Variants in PRKCB observed in about 807,000 individuals in gnomAD.
The protein encoded by PRKCB is protein kinase C beta.
Under a neutral mutation model 81.5 loss-of-function variants are expected in PRKCB, and 13 were observed. The ratio of observed to expected loss-of-function variants is 0.16; its 90% confidence interval spans 0.10 to 0.25. PRKCB has a LOEUF of 0.25. Ranked by LOEUF, PRKCB falls within the 10% of genes least tolerant of loss-of-function variation. The pLI is 1.00. For synonymous variants in PRKCB, 335 were observed against 321.4 expected, an observed-to-expected ratio of 1.04 and a Z score of -0.45; for missense variants, 509 against 875.7, an observed-to-expected ratio of 0.58 and a Z score of 5.29.
intron 2 of PRKCB, among the ~76,000 whole-genome samples, chr16:23,984,225 A>T (rs879540964): frequency 6.6e-6 from 1 of 152,252 alleles, no homozygotes; most frequent in Admixed American, 6.5e-5. Context: ...TAGAATAGTC[A>T]TGATATGGTT....
At position 24,151,789 on chromosome 16, in the gene PRKCB, C is replaced by G. The variant is rs1490621966; in HGVS notation, c.1066-2895C>G. 8.8e-6 allele frequency: 4 copies of G among 455,838 alleles called. No homozygotes were observed. The East Asian group carries it at 2.8e-4, about 32-fold the overall frequency. 28.2% of individuals were successfully genotyped at this position (455,838 alleles called of 1,614,324 possible). On this transcript the variant is annotated intron_variant, in intron 9 of 16. Transcript: ENST00000643927. ...AGTGGCACAGTCAGAGCTGCATTTT[C>G]AGAACAGTCATTAGCTGAAGCAAGT...
chr16:24,066,074 CCT>C (rs1491433549), intron 5 of PRKCB, among the ~76,000 whole-genome samples: 42 of 73,362 alleles, frequency 5.7e-4, no homozygotes, highest in Non-Finnish European at 1.2e-3. Flanking sequence ...CTGTGATGTT[CCT>C]GTGTGTGTGT....
chr16:23,949,535 C>T (rs989091680), intron 2 of PRKCB, among the ~76,000 whole-genome samples: 1 of 152,196 alleles, frequency 6.6e-6, no homozygotes, highest in Admixed American at 6.5e-5. Flanking sequence ...TACCTTCTAT[C>T]GTTTTATTCT....
intron 1 of PRKCB, among the ~76,000 whole-genome samples, chr16:23,836,564 G>GT (rs1962162195): frequency 1.3e-5 from 2 of 152,218 alleles, no homozygotes; most frequent in Admixed American, 6.5e-5. Context: ...CCGCCGCGGG[G>GT]CGCCTCCTGC....
At chr16:24,119,135 T>G (rs1484650983) in intron 8 of PRKCB, among the ~76,000 whole-genome samples, 3 of 152,072 alleles carry the variant, frequency 2.0e-5, no homozygotes, top group African/African-American at 7.2e-5. Flanking sequence ...CTTCTTTTTT[T>G]TTTTTTCCAG....
chr16:23,960,943 G>A (rs185220369), intron 2 of PRKCB, among the ~76,000 whole-genome samples: 1 of 152,342 alleles, frequency 6.6e-6, no homozygotes, highest in African/African-American at 2.4e-5. Context: ...ACTACTAATG[G>A]ATGTCCCTTC....
rs141400393 is a variant in PRKCB, at chr16:23,891,436, A to G, written c.205+54030A>G. On this transcript the variant is annotated intron_variant, in intron 2 of 16. Transcript: ENST00000643927. ...TGTGTGTGTATGTATGTGTGTGTAT[A>G]CAGATGTATGCATCTGTGTTCAATT... 5.1e-4 allele frequency among the ~76,000 whole-genome samples: 77 copies of G among 152,270 alleles called. No homozygotes were observed. In the East Asian group the frequency reaches 0.011, roughly 21 times the overall value.
At chr16:24,011,671 C>T (rs995299315) in intron 3 of PRKCB, among the ~76,000 whole-genome samples, 1 of 152,094 alleles carries the variant, frequency 6.6e-6, no homozygotes, top group South Asian at 2.1e-4. Flanking sequence ...CATACACCAC[C>T]ACACCTGGCT....
At chr16:23,986,700 A>G (rs1964808493) in intron 2 of PRKCB, among the ~76,000 whole-genome samples, 1 of 152,154 alleles carries the variant, frequency 6.6e-6, no homozygotes. Context: ...CCCATTTCTT[A>G]TGACTTGGGT....
intron 3 of PRKCB, among the ~76,000 whole-genome samples, chr16:24,008,604 G>T (rs1596509017): frequency 6.6e-6 from 1 of 152,012 alleles, no homozygotes; most frequent in South Asian, 2.1e-4. Flanking sequence ...ATCTCTACAC[G>T]TCCCTCCCCA....
intron 2 of PRKCB, among the ~76,000 whole-genome samples, chr16:23,929,887 A>G (rs186948791): frequency 2.6e-5 from 4 of 152,118 alleles, no homozygotes; most frequent in Non-Finnish European, 5.9e-5. Flanking sequence ...TTGGGCAGTG[A>G]GGAGGAGAGA....
intron 2 of PRKCB, among the ~76,000 whole-genome samples, chr16:23,933,881 A>ATCT: frequency 1.9e-5 from 2 of 104,914 alleles, no homozygotes; most frequent in African/African-American, 8.4e-5. Context: ...TCCATCCATC[A>ATCT]TCTTGTTTGT....
intron 2 of PRKCB, among the ~76,000 whole-genome samples, chr16:23,953,569 C>A (rs1449384517): frequency 6.6e-6 from 1 of 152,152 alleles, no homozygotes; most frequent in African/African-American, 2.4e-5. Flanking sequence ...TTTTCATTTG[C>A]CAATTAGAGC....
intron 2 of PRKCB, among the ~76,000 whole-genome samples, chr16:23,843,313 A>G (rs1010007576): frequency 1.3e-5 from 2 of 152,184 alleles, no homozygotes; most frequent in Non-Finnish European, 2.9e-5. Context: ...TCTTCCCAGA[A>G]GCAGACCCCA....
At chr16:23,983,113 T>TAAA (rs150759074) in intron 2 of PRKCB, among the ~76,000 whole-genome samples, 1 of 139,764 alleles carries the variant, frequency 7.2e-6, no homozygotes, top group Admixed American at 7.1e-5. Context: ...TGCCTCTTCT[T>TAAA]AAAAAAAAAA....
At chr16:23,898,002 G>A (rs1016593577) in intron 2 of PRKCB, among the ~76,000 whole-genome samples, 3 of 150,980 alleles carry the variant, frequency 2.0e-5, no homozygotes, top group African/African-American at 4.9e-5. Context: ...AGGCTCAAGC[G>A]ATTCTTCTGC....
In PRKCB at chr16:24,216,945, A is replaced by G. The variant is rs1968236775; in HGVS notation, c.*2129A>G. 3.0e-6 allele frequency: 3 copies of G among 985,454 alleles called. No individual in the cohort carries two copies. The highest frequency in any genetic ancestry group is 3.6e-6 in the Non-Finnish European group (3 of 829,934). 61.0% of individuals were successfully genotyped at this position (985,454 alleles called of 1,614,324 possible). A position where few individuals can be genotyped will look rare whatever the true frequency, so the allele number is the denominator to read the frequency against. On this transcript the variant is annotated 3_prime_UTR_variant, in exon 17 of 17. Transcript: ENST00000643927. ...CAGACATCTCTGAGCCAGGCCCACC[A>G]ACAGGCCCTTATCTGGTGGTTGGAT...
intron 2 of PRKCB, among the ~76,000 whole-genome samples, chr16:23,916,391 A>G (rs1963740342): frequency 6.6e-6 from 1 of 151,990 alleles, no homozygotes; most frequent in African/African-American, 2.4e-5. Context: ...GCATCATTGT[A>G]TCCTATTCTA....
chr16:24,124,659 A>C (rs771905901), intron 9 of PRKCB, among the ~76,000 whole-genome samples: 4 of 152,086 alleles, frequency 2.6e-5, no homozygotes, highest in Non-Finnish European at 5.9e-5. Context: ...ATTGTGTTAT[A>C]AGTATTTCTG....
Sources: allele counts gnomAD v4.1 joint callset (sites outside exome capture counted in the v4.1 genomes callset), GRCh38; gene constraint gnomAD v4.1.1; transcripts MANE v1.5; gene names NCBI Gene and HGNC (gene_info 2026-07-23, HGNC 2026-07-21).